Variants in SHB observed in about 807,000 individuals in gnomAD.
SHB encodes the protein SH2 domain containing adaptor protein B, also known as SH2 domain-containing adapter protein B.
Under a neutral mutation model 52.3 loss-of-function variants are expected in SHB, and 20 were observed. That is an observed-to-expected ratio of 0.38 (90% CI 0.27 to 0.56). The LOEUF is 0.56. SHB is among the 20% of genes least tolerant of loss of function. The pLI, the probability that SHB is intolerant of heterozygous loss-of-function variation, is 0.71. For synonymous variants in SHB, 397 were observed against 316.5 expected (o/e 1.25, Z -2.70); for missense variants, 825 against 723.3 (o/e 1.14, Z -1.61).
chr9:38,020,827 G>T (rs72726024), intron 1 of SHB, among the ~76,000 whole-genome samples: 10,696 of 152,250 alleles, frequency 0.07, 483 homozygotes, highest in South Asian at 0.11. Context: ...GGGTGGGGGG[G>T]TGGCCCAACA....
chr9:37,993,350 T>C (rs1564096698), intron 2 of SHB, among the ~76,000 whole-genome samples: 1 of 152,176 alleles, frequency 6.6e-6, no homozygotes, highest in Non-Finnish European at 1.5e-5. Flanking sequence ...TCCAACACTA[T>C]TGTGAGACAG....
At chr9:37,940,353 T>A (rs1293497712) in intron 5 of SHB, among the ~76,000 whole-genome samples, 1 of 152,250 alleles carries the variant, frequency 6.6e-6, no homozygotes, top group Non-Finnish European at 1.5e-5. Context: ...TCTCTTATCC[T>A]GCAAGGCATC....
At chr9:38,008,422 C>G (rs1010027589) in intron 2 of SHB, among the ~76,000 whole-genome samples, 2 of 152,242 alleles carry the variant, frequency 1.3e-5, no homozygotes, top group African/African-American at 4.8e-5. Flanking sequence ...AATCTATTTA[C>G]ACTTGATGAT....
At chr9:37,978,278 C>G (rs1460416572) in intron 2 of SHB, among the ~76,000 whole-genome samples, 2 of 152,156 alleles carry the variant, frequency 1.3e-5, no homozygotes, top group Non-Finnish European at 2.9e-5. Flanking sequence ...ATTTATTGTT[C>G]CAGAAGCATC....
intron 2 of SHB, among the ~76,000 whole-genome samples, chr9:37,983,255 G>A (rs1241215570): frequency 6.6e-6 from 1 of 152,222 alleles, no homozygotes; most frequent in Non-Finnish European, 1.5e-5. Context: ...GGAGGTCATA[G>A]CACAGTGATG....
At chr9:37,927,851 C>T (rs1344618066) in intron 5 of SHB, among the ~76,000 whole-genome samples, 7 of 152,198 alleles carry the variant, frequency 4.6e-5, no homozygotes, top group South Asian at 2.1e-4. Context: ...GAGGGCTGGA[C>T]GCAGAAGCGG....
At chr9:37,940,085 C>T (rs1202594170) in intron 5 of SHB, among the ~76,000 whole-genome samples, 4 of 152,102 alleles carry the variant, frequency 2.6e-5, no homozygotes, top group South Asian at 2.1e-4. Context: ...TTTGGGATCC[C>T]GTAACTTGTC....
At chr9:38,015,629 C>A in intron 2 of SHB, 1 of 598,618 alleles carries the variant, frequency 1.7e-6, no homozygotes. Context: ...AGCCTGCTTC[C>A]CTTTTTGCCC....
At chr9:38,057,107 T>C (rs1201434196) in intron 1 of SHB, among the ~76,000 whole-genome samples, 1 of 152,318 alleles carries the variant, frequency 6.6e-6, no homozygotes, top group South Asian at 2.1e-4. Flanking sequence ...CACAGACCTA[T>C]GCAAAGAATT....
At chr9:38,033,401 G>A (rs978474275) in intron 1 of SHB, among the ~76,000 whole-genome samples, 2 of 152,140 alleles carry the variant, frequency 1.3e-5, no homozygotes, top group Non-Finnish European at 2.9e-5. Flanking sequence ...GTACTCCTTG[G>A]AGACATTTAA....
intron 1 of SHB, among the ~76,000 whole-genome samples, chr9:38,038,421 T>C (rs112035239): frequency 1.3e-5 from 2 of 152,254 alleles, no homozygotes; most frequent in African/African-American, 4.8e-5. Context: ...CATCTTACCA[T>C]GATTACTAAG....
intron 1 of SHB, among the ~76,000 whole-genome samples, chr9:38,019,068 A>C (rs1447560638): frequency 6.6e-6 from 1 of 152,190 alleles, no homozygotes; most frequent in Admixed American, 6.5e-5. Context: ...GGTCCACAAG[A>C]AGCTTTCCTT....
chr9:38,068,134 GC>G lies in SHB; in HGVS notation c.511del (p.Ala171ProfsTer70). 1 of 1,436,862 alleles carries G rather than the reference GC, an allele frequency of 7.0e-7. No homozygotes were observed. The highest frequency in any genetic ancestry group is 1.5e-5 in the African/African-American group (1 of 66,786). The allele number at this position is 1,436,862 out of a possible 1,614,324, so 89.0% of individuals were successfully genotyped here. On this transcript the variant is annotated frameshift_variant, in exon 1 of 6. Coordinates refer to ENST00000377707, the MANE Select transcript of SHB (RefSeq NM_003028.3). LOFTEE classifies it high-confidence loss of function. ...LYRSSSERRP[A>X]TPAEVRYISP... is the part of the protein sequence containing the mutation. ...GATGTAGCGCACCTCGGCCGGCGTGGCGGGCCGCCGCTCGCTGCTGCTGCGG... is the reference window on the plus strand; with the variant it reads ...GATGTAGCGCACCTCGGCCGGCGTGGGGGCCGCCGCTCGCTGCTGCTGCGG...
chr9:38,002,904 T>C (rs1209150457), intron 2 of SHB, among the ~76,000 whole-genome samples: 1 of 152,034 alleles, frequency 6.6e-6, no homozygotes, highest in East Asian at 1.9e-4. Context: ...TTCTGCAAAT[T>C]TGGGAGCCAG....
At chr9:37,989,663 C>A (rs764610548) in intron 2 of SHB, among the ~76,000 whole-genome samples, 8 of 152,292 alleles carry the variant, frequency 5.3e-5, no homozygotes, top group Admixed American at 4.6e-4. Context: ...ACAGAGTGAG[C>A]GGTCGGCACA....
At chr9:38,043,378 T>C (rs1362238476) in intron 1 of SHB, among the ~76,000 whole-genome samples, 2 of 152,200 alleles carry the variant, frequency 1.3e-5, no homozygotes, top group Non-Finnish European at 1.5e-5. Context: ...AACTGCTCCA[T>C]GTACTTAGAT....
At chr9:38,008,894 AGT>A (rs569912707) in intron 2 of SHB, among the ~76,000 whole-genome samples, 178 of 152,282 alleles carry the variant, frequency 1.2e-3, no homozygotes, top group African/African-American at 4.3e-3. Flanking sequence ...CAGGGAGGCA[AGT>A]GTGTGGACAT....
In SHB at chr9:37,961,116, G is replaced by A. The variant is rs1486829422; in HGVS notation, c.1055-5062C>T. Among the ~76,000 whole-genome samples, 2 of 152,144 alleles carry A rather than the reference G, an allele frequency of 1.3e-5. 1 individual carries two copies. The highest frequency in any genetic ancestry group is 4.1e-4 in the South Asian group (2 of 4,828). On this transcript the variant is annotated intron_variant, in intron 3 of 5. Transcript: ENST00000377707. ...GCACAAACGCCACCTCCTCCACAAA[G>A]CTTACCCTGATGCCACCTGCAGAGA...
chr9:37,945,678 G>A (rs1279342613), intron 5 of SHB, among the ~76,000 whole-genome samples: 4 of 152,226 alleles, frequency 2.6e-5, no homozygotes. Flanking sequence ...TCCATGGGAT[G>A]GGTGCGGGAA....
Sources: gnomAD v4.1 joint callset for allele counts (sites outside exome capture counted in the v4.1 genomes callset) on GRCh38, gnomAD v4.1.1 for gene constraint, MANE v1.5 for transcripts, NCBI Gene and HGNC (gene_info 2026-07-23, HGNC 2026-07-21) for gene names.